The following C2CD2 variants were observed in gnomAD, a reference collection of about 807,000 sequenced individuals.
The protein encoded by C2CD2 is C2 domain-containing protein 2.
Under a neutral mutation model 74.3 loss-of-function variants are expected in C2CD2, and 43 were observed. The ratio of observed to expected loss-of-function variants is 0.58; its 90% CI spans 0.45 to 0.75. C2CD2 has a LOEUF of 0.75. C2CD2 is among the 30% of genes least tolerant of loss of function. The pLI, the probability that C2CD2 is intolerant of heterozygous loss-of-function variation, is 0.00. For missense variants in C2CD2, 801 were observed against 916.3 expected (o/e 0.87, Z 1.63); for synonymous variants, 422 against 390.7 (o/e 1.08, Z -0.94).
chr21:41,898,970 G>T (rs866987579), intron 13 of C2CD2, 83 bp downstream of exon 13: 2 of 1,018,144 alleles, frequency 2.0e-6, no homozygotes, highest in Admixed American at 3.5e-5. Context: ...GGGAAGGAAG[G>T]CAGATGACTT....
At position 41,926,358 on chromosome 21, in the gene C2CD2, C is replaced by T. The variant is rs1273275920; in HGVS notation, c.379-4273G>A. The T allele has an allele frequency of 1.8e-5, 16 of 867,340 alleles. No homozygotes were observed. The highest frequency in any genetic ancestry group is 1.2e-4 in the Admixed American group (2 of 16,134). 53.7% of individuals were successfully genotyped at this position (867,340 alleles called of 1,614,324 possible). On this transcript the variant is annotated intron_variant, in intron 2 of 13. Coordinates refer to ENST00000380486, the MANE Select transcript of C2CD2 (RefSeq NM_015500.2). This position sits in a 1 kb window ranked among gnomAD's most constrained non-coding sequence, Gnocchi z 8.0. ...GTTTTTCGGAGTGGGGGGCTATTCA[C>T]GGTAAGTCAGGGTCTCCACATGGAA...
chr21:41,930,836 A>C (rs1418645984), intron 2 of C2CD2, among the ~76,000 whole-genome samples: 1 of 150,376 alleles, frequency 6.6e-6, no homozygotes, highest in African/African-American at 2.4e-5. Context: ...ATTCACATTC[A>C]TCTTTTTACT....
intron 1 of C2CD2, among the ~76,000 whole-genome samples, chr21:41,947,137 T>TCTCTCTCTCTCTCTCTCTCTCCCTCA: frequency 3.9e-5 from 1 of 25,638 alleles, no homozygotes; most frequent in Non-Finnish European, 8.9e-5. Flanking sequence ...TCTCTCTCTC[T>TCTCTCTCTCTCTCTCTCTCTCCCTCA]CTCCCTCCCT....
chr21:41,922,692 C>G (rs1014280594), intron 2 of C2CD2, among the ~76,000 whole-genome samples: 15 of 151,550 alleles, frequency 9.9e-5, no homozygotes, highest in African/African-American at 3.4e-4. Context: ...CCAGGCCAGT[C>G]TCGAACTCCT....
chr21:41,916,757 T>C (rs1601578671), intron 5 of C2CD2, among the ~76,000 whole-genome samples: 2 of 152,080 alleles, frequency 1.3e-5, no homozygotes, highest in Non-Finnish European at 2.9e-5. Context: ...AATATACATA[T>C]ATGCTATTTT....
chr21:41,902,381 G>A (rs1027959755), intron 11 of C2CD2, among the ~76,000 whole-genome samples: 1 of 152,140 alleles, frequency 6.6e-6, no homozygotes, highest in Admixed American at 6.5e-5. Flanking sequence ...GAATGCTTAC[G>A]GCAAACCAGG....
At chr21:41,908,492 T>C (rs2064991466) in intron 8 of C2CD2, 1 of 152,220 alleles carries the variant, frequency 6.6e-6, no homozygotes, top group African/African-American at 2.4e-5. Context: ...GAAGTTGACT[T>C]CTCTCCAGGT....
intron 11 of C2CD2, among the ~76,000 whole-genome samples, 200 bp from the exon 12 acceptor site, chr21:41,901,949 G>A (rs1052951221): frequency 6.6e-6 from 1 of 152,206 alleles, no homozygotes; most frequent in Non-Finnish European, 1.5e-5. Context: ...AAACCAGCTA[G>A]AGACCACAGG....
intron 1 of C2CD2, among the ~76,000 whole-genome samples, chr21:41,948,546 C>T (rs1452858475): frequency 6.6e-6 from 1 of 152,124 alleles, no homozygotes; most frequent in African/African-American, 2.4e-5. Context: ...CAGGAAAGGT[C>T]CCTGGACACT....
At chr21:41,936,907 C>A (rs537815272) in intron 2 of C2CD2, among the ~76,000 whole-genome samples, 1 of 150,778 alleles carries the variant, frequency 6.6e-6, no homozygotes, top group Non-Finnish European at 1.5e-5. Flanking sequence ...CAACATCCAC[C>A]TCCTGGGTTC....
intron 1 of C2CD2, among the ~76,000 whole-genome samples, chr21:41,950,833 TC>T (rs570481323): frequency 5.5e-4 from 84 of 152,188 alleles, no homozygotes; most frequent in African/African-American, 2.0e-3. Flanking sequence ...GACAGAAAAT[TC>T]CACTTTTCAG....
At position 41,942,253 on chromosome 21, in the gene C2CD2, A is replaced by T. The variant is rs1371798338; in HGVS notation, c.280-8T>A. ...GGACAGGAAAGGTGGGCCCTGGAAC[A>T]GAGGGGCAGCATGAGGAGGGCATGC... is the stretch of plus-strand genomic sequence containing the variant. On this transcript the variant is annotated splice_region_variant and splice_polypyrimidine_tract_variant and intron_variant, in intron 1 of 13. Transcript: ENST00000380486. 1 of 1,548,402 alleles carries T rather than the reference A, an allele frequency of 6.5e-7. No individual in the cohort carries two copies. Among genetic ancestry groups the T allele is most frequent in the African/African-American group, 1.4e-5 (1 of 73,000 alleles).
At position 41,886,162 on chromosome 21, in the gene C2CD2, C is replaced by T. The variant is rs967634363; in HGVS notation, c.*2962G>A. On this transcript the variant is annotated 3_prime_UTR_variant, in exon 14 of 14. Transcript: ENST00000380486. ...GAGCACCCAGTTCCAGAGATACAGA[C>T]ACAATTAATCTTAGTGTTCATGAGG... 1 of 152,154 alleles carries T rather than the reference C, an allele frequency of 6.6e-6. No homozygotes were observed. Among genetic ancestry groups the T allele is most frequent in the Non-Finnish European group, 1.5e-5 (1 of 68,040 alleles). The allele number at this position is 152,154 out of a possible 1,614,324, so 9.4% of individuals were successfully genotyped here.
rs1185466366 is a variant in C2CD2, at chr21:41,899,732, G to A, written c.1561-370C>T. On this transcript the variant is annotated intron_variant, in intron 12 of 13. Coordinates refer to ENST00000380486, the MANE Select transcript of C2CD2 (RefSeq NM_015500.2). The surrounding 1 kb of genome is among the most constrained non-coding windows in gnomAD (Gnocchi z 4.4). ...CCACGACAGCACAAAGGAAATGGCCGTGGGTGTTTCGGGTTTAGCTGTCTT... is the reference window on the plus strand; with the variant it reads ...CCACGACAGCACAAAGGAAATGGCCATGGGTGTTTCGGGTTTAGCTGTCTT... 6.6e-6 allele frequency among the ~76,000 whole-genome samples: 1 copy of A among 152,188 alleles called. No individual in the cohort carries two copies. The highest frequency in any genetic ancestry group is 1.5e-5 in the Non-Finnish European group (1 of 68,026).
intron 1 of C2CD2, among the ~76,000 whole-genome samples, chr21:41,949,913 T>G (rs2065436193): frequency 6.6e-6 from 1 of 152,164 alleles, no homozygotes; most frequent in African/African-American, 2.4e-5. Context: ...CCGCATGTTC[T>G]CACTCATAGG....
chr21:41,887,093 C>T lies in C2CD2; in HGVS notation c.*2031G>A, dbSNP rs2064693125. The T allele has an allele frequency of 6.6e-6, 1 of 152,208 alleles. No homozygotes were observed. Among genetic ancestry groups the T allele is most frequent in the Admixed American group, 6.5e-5 (1 of 15,282 alleles). 9.4% of individuals were successfully genotyped at this position (152,208 alleles called of 1,614,324 possible). On this transcript the variant is annotated 3_prime_UTR_variant, in exon 14 of 14. Coordinates refer to ENST00000380486, the MANE Select transcript of C2CD2 (RefSeq NM_015500.2). ...AAACTTCTCATCAGTGTCTGAAATTCTGACACATAATATCCTCTTGGAATT... is the reference window on the plus strand; with the variant it reads ...AAACTTCTCATCAGTGTCTGAAATTTTGACACATAATATCCTCTTGGAATT...
Position 41,949,238 on chromosome 21 carries a change from G to A in C2CD2, c.279+4132C>T, listed in dbSNP as rs139050205. Among the ~76,000 whole-genome samples the A allele has an allele frequency of 3.5e-3, 526 of 152,320 alleles. 5 individuals are homozygous for A. The highest frequency in any genetic ancestry group is 0.012 in the African/African-American group (502 of 41,570). ...CAGCAGTCCCGGAGACTCCCAAGGG[G>A]ATGTTGGGGGTGTAACTGATTATCA... On this transcript the variant is annotated intron_variant, in intron 1 of 13. Coordinates refer to ENST00000380486, the MANE Select transcript of C2CD2 (RefSeq NM_015500.2).
intron 12 of C2CD2, 94 bp downstream of exon 12, chr21:41,901,528 C>G: frequency 7.6e-7 from 1 of 1,317,562 alleles, no homozygotes; most frequent in Non-Finnish European, 1.1e-6. Context: ...TGGACGTTAA[C>G]CAAGTGCTTG....
rs575159198 is a variant in C2CD2, at chr21:41,923,289, G to A, written c.379-1204C>T. Among the ~76,000 whole-genome samples the A allele has an allele frequency of 1.5e-3, 226 of 152,196 alleles. No individual in the cohort carries two copies. Among genetic ancestry groups the A allele is most frequent in the African/African-American group, 5.2e-3 (214 of 41,528 alleles). Reference sequence around the variant, plus strand: ...ATTACAGGCATGAGCCACCGTGCCCGGCCAACAAAGTCTTTTTCTTTAAAT... The same window carrying A: ...ATTACAGGCATGAGCCACCGTGCCCAGCCAACAAAGTCTTTTTCTTTAAAT... On this transcript the variant is annotated intron_variant, in intron 2 of 13. Coordinates refer to ENST00000380486, the MANE Select transcript of C2CD2 (RefSeq NM_015500.2). The surrounding 1 kb of genome is among the most constrained non-coding windows in gnomAD (Gnocchi z 5.8).
Sources: gnomAD v4.1 joint callset for allele counts (sites outside exome capture counted in the v4.1 genomes callset) on GRCh38, gnomAD v4.1.1 for gene constraint, Gnocchi (gnomAD v3.1) non-coding constraint, MANE v1.5 for transcripts, NCBI Gene and HGNC (gene_info 2026-07-23, HGNC 2026-07-21) for gene names.